MATN2: variants seen among roughly 807,000 people sequenced by gnomAD.
MATN2 encodes matrilin-2.
Under a neutral mutation model 103.2 loss-of-function variants are expected in MATN2, and 69 were observed. The observed-to-expected ratio is 0.67, with a 90% CI of 0.55 to 0.82. The LOEUF (loss-of-function observed/expected upper bound fraction) is 0.82. Ranked by LOEUF, MATN2 falls within the 40% of genes least tolerant of loss-of-function variation. The pLI is 0.00. For missense variants in MATN2, 1,023 were observed against 1,211.5 expected, an observed-to-expected ratio of 0.84 and a Z score of 2.31; for synonymous variants, 429 against 450.2, an observed-to-expected ratio of 0.95 and a Z score of 0.60.
chr8:97,988,309 CACAA>C (rs1209854510), intron 6 of MATN2, among the ~76,000 whole-genome samples: 1 of 150,656 alleles, frequency 6.6e-6, no homozygotes, highest in Non-Finnish European at 1.5e-5. Context: ...CCTTGAAAGA[CACAA>C]ACTACTAAAG....
chr8:97,995,376 T>C (rs1439080191), intron 7 of MATN2, among the ~76,000 whole-genome samples: 3 of 152,292 alleles, frequency 2.0e-5, no homozygotes, highest in South Asian at 2.1e-4. Context: ...CCTGGAGAAA[T>C]TGAAGCTATT....
intron 2 of MATN2, among the ~76,000 whole-genome samples, chr8:97,921,047 G>A (rs2444904): frequency 0.42 from 63,565 of 151,968 alleles, 14,329 homozygotes; most frequent in African/African-American, 0.54. Flanking sequence ...CGAACCCTAC[G>A]TGCAGGGCTT....
intron 1 of MATN2, among the ~76,000 whole-genome samples, chr8:97,869,564 C>G (rs926927113): frequency 6.6e-6 from 1 of 152,206 alleles, no homozygotes; most frequent in Non-Finnish European, 1.5e-5. Flanking sequence ...CCGGAGTGCC[C>G]CGTGGGGGCG....
intron 2 of MATN2, among the ~76,000 whole-genome samples, chr8:97,915,162 CT>C (rs1056065010): frequency 1.4e-4 from 21 of 149,528 alleles, no homozygotes; most frequent in African/African-American, 3.2e-4. Flanking sequence ...TGTGAAAAAA[CT>C]TTTTTTTTTG....
intron 4 of MATN2, among the ~76,000 whole-genome samples, chr8:97,953,945 G>A (rs945204458): frequency 6.6e-6 from 1 of 152,108 alleles, no homozygotes; most frequent in Non-Finnish European, 1.5e-5. Context: ...CTGGGTGACA[G>A]AGCCAGACCT....
intron 2 of MATN2, among the ~76,000 whole-genome samples, chr8:97,916,988 A>G (rs1809652694): frequency 6.6e-6 from 1 of 151,382 alleles, no homozygotes; most frequent in African/African-American, 2.4e-5. Context: ...ACACTTCCTG[A>G]GGGCCTGAGA....
intron 13 of MATN2, chr8:98,025,575 G>A (rs773673929): frequency 8.1e-5 from 22 of 271,616 alleles, no homozygotes; most frequent in African/African-American, 7.0e-5. Context: ...GTGAAACCCC[G>A]TCTCTACTAA....
At chr8:97,890,497 C>T (rs1418742347) in intron 2 of MATN2, among the ~76,000 whole-genome samples, 2 of 149,388 alleles carry the variant, frequency 1.3e-5, no homozygotes, top group Non-Finnish European at 3.0e-5. Context: ...AGTGGAGTGA[C>T]AATCATGAAA....
chr8:97,909,817 T>A (rs778305576), intron 2 of MATN2, among the ~76,000 whole-genome samples: 8 of 151,734 alleles, frequency 5.3e-5, no homozygotes, highest in Non-Finnish European at 1.0e-4. Flanking sequence ...GGAGTCTCGC[T>A]CTGTCGCCCC....
intron 2 of MATN2, among the ~76,000 whole-genome samples, chr8:97,929,103 G>C (rs1380197090): frequency 6.6e-6 from 1 of 152,116 alleles, no homozygotes; most frequent in East Asian, 1.9e-4. Context: ...GGGTATGTCA[G>C]AACGTTGGTT....
chr8:98,033,537 AAC>A, intron 17 of MATN2, 22 bp from the exon 18 acceptor site: 1 of 1,362,358 alleles, frequency 7.3e-7, no homozygotes, highest in South Asian at 1.3e-5. Context: ...TCTAGAGGTG[AAC>A]ACTTTCCATC....
chr8:97,882,223 C>G (rs1280188632), intron 1 of MATN2, among the ~76,000 whole-genome samples: 1 of 151,654 alleles, frequency 6.6e-6, no homozygotes, highest in Non-Finnish European at 1.5e-5. Context: ...CATGCCTGAC[C>G]CTTATTATTT....
chr8:97,995,123 A>G (rs1812538375), intron 7 of MATN2, among the ~76,000 whole-genome samples: 1 of 152,244 alleles, frequency 6.6e-6, no homozygotes, highest in South Asian at 2.1e-4. Flanking sequence ...GAGTGCCTCA[A>G]ATGCCTGTCA....
chr8:97,954,273 T>C lies in MATN2; in HGVS notation c.836-7135T>C, dbSNP rs559677284. Among the ~76,000 whole-genome samples, 4 of 152,290 alleles carry C rather than the reference T, an allele frequency of 2.6e-5. No homozygotes were observed. The East Asian group carries it at 7.7e-4, about 29-fold the overall frequency. On this transcript the variant is annotated intron_variant, in intron 4 of 18. Transcript: ENST00000254898. Reference sequence around the variant, plus strand: ...ACCTCTTTCAGGTCCAAATAAAAATTTGGAGAAGGTCAAAATCATCTTTTC... The same window carrying C: ...ACCTCTTTCAGGTCCAAATAAAAATCTGGAGAAGGTCAAAATCATCTTTTC...
intron 1 of MATN2, among the ~76,000 whole-genome samples, chr8:97,879,293 C>T (rs377178786): frequency 3.9e-5 from 6 of 152,270 alleles, no homozygotes; most frequent in African/African-American, 1.2e-4. Flanking sequence ...ATGGAGGCGC[C>T]CCGCTATGAC....
chr8:97,941,525 T>C (rs1239671043), intron 3 of MATN2, among the ~76,000 whole-genome samples: 1 of 152,184 alleles, frequency 6.6e-6, no homozygotes, highest in Non-Finnish European at 1.5e-5. Context: ...TTTTTGTAGA[T>C]CAAAACCAAT....
At position 97,982,948 on chromosome 8, in the gene MATN2, G is replaced by T. The variant is rs1056161438; in HGVS notation, c.1081+3940G>T. 6.6e-6 allele frequency among the ~76,000 whole-genome samples: 1 copy of T among 152,132 alleles called. No individual in the cohort carries two copies. The highest frequency in any genetic ancestry group is 2.4e-5 in the African/African-American group (1 of 41,432). On this transcript the variant is annotated intron_variant, in intron 6 of 18. Coordinates refer to ENST00000254898, the MANE Select transcript of MATN2 (RefSeq NM_002380.5). This position sits in a 1 kb window ranked among gnomAD's most constrained non-coding sequence, Gnocchi z 4.3. The stretch of plus-strand genomic sequence containing the variant: ...CTCCAGACCACACCCCCTGGCTGGG[G>T]TCACCTGATTTCCACCCAGCTGTAA...
chr8:98,034,536 G>A (rs1243330443), intron 18 of MATN2, among the ~76,000 whole-genome samples: 1 of 152,106 alleles, frequency 6.6e-6, no homozygotes, highest in Admixed American at 6.5e-5. Flanking sequence ...TTTCTGAGTG[G>A]TTAATTGACG....
At chr8:97,963,484 C>G (rs1305252349) in intron 5 of MATN2, among the ~76,000 whole-genome samples, 2 of 152,318 alleles carry the variant, frequency 1.3e-5, no homozygotes, top group East Asian at 3.9e-4. Flanking sequence ...AAATAATTAC[C>G]TGCTTGTCCG....
Sources: allele counts gnomAD v4.1 joint callset (sites outside exome capture counted in the v4.1 genomes callset), GRCh38; gene constraint gnomAD v4.1.1; non-coding constraint Gnocchi (gnomAD v3.1); transcripts MANE v1.5; gene names NCBI Gene and HGNC (gene_info 2026-07-23, HGNC 2026-07-21).